ZFC3H1: variants seen among roughly 807,000 people sequenced by gnomAD.
ZFC3H1 encodes the protein zinc finger C3H1 domain-containing protein.
ZFC3H1 carries 71 observed loss-of-function variants against 243.7 expected under a neutral mutation model. The ratio of observed to expected loss-of-function variants is 0.29; its 90% CI spans 0.24 to 0.36. The LOEUF (loss-of-function observed/expected upper bound fraction) is 0.36, where lower values mean the gene tolerates loss of function less well. Among genes scored for constraint, ZFC3H1 ranks in the 10% least tolerant of loss-of-function variants. The pLI, the probability that ZFC3H1 is intolerant of heterozygous loss-of-function variation, is 1.00. For synonymous variants in ZFC3H1, 838 were observed against 813.0 expected, an observed-to-expected ratio of 1.03 and a Z score of -0.52; for missense variants, 1,966 against 2,317.1, an observed-to-expected ratio of 0.85 and a Z score of 3.11.
Position 71,657,173 on chromosome 12 carries a change from T to C in ZFC3H1, c.727A>G (p.Asn243Asp), listed in dbSNP as rs768781356. The change falls in exon 2 of 35, where the codon AAT (asparagine) becomes GAT (aspartate). Residue 243 changes from asparagine to aspartate, a missense_variant. Physicochemically the swap from Asn to Asp is conservative, Grantham distance 23. This residue lies in a region of ZFC3H1 where 484 missense variants were observed against 449.7 expected (regional missense o/e 1.08). Coordinates refer to ENST00000378743, the MANE Select transcript of ZFC3H1 (RefSeq NM_144982.5). ...KQIQLELECINKDEKLALSSK... is the reference protein window; with the variant it reads ...KQIQLELECIDKDEKLALSSK... ...CTCAATGCTAGTTTTTCATCCTTAT[T>C]GATGCATTCTAGTTCCAACTGTATT... is the stretch of plus-strand genomic sequence containing the variant. The C allele has an allele frequency of 6.2e-7, 1 of 1,613,926 alleles. No individual in the cohort carries two copies. The highest frequency in any genetic ancestry group is 2.2e-5 in the East Asian group (1 of 44,820).
chr12:71,645,128 C>G, intron 3 of ZFC3H1, 53 bp from the exon 4 acceptor site: 1 of 1,459,290 alleles, frequency 6.9e-7, no homozygotes, highest in South Asian at 1.4e-5. Flanking sequence ...ATTTAGCTTA[C>G]ACATTTCATC....
At chr12:71,630,507 GT>G in intron 18 of ZFC3H1, 92 bp downstream of exon 18, 1 of 1,444,418 alleles carries the variant, frequency 6.9e-7, no homozygotes, top group Non-Finnish European at 9.3e-7. Context: ...CTGAATTATA[GT>G]AAGTATTTTA....
At chr12:71,637,573 G>T (rs1355652029) in intron 7 of ZFC3H1, among the ~76,000 whole-genome samples, 1 of 152,108 alleles carries the variant, frequency 6.6e-6, no homozygotes, top group African/African-American at 2.4e-5. Context: ...TATCTATAAA[G>T]GAAACTAATT....
At chr12:71,624,683 A>G (rs1038331424) in intron 22 of ZFC3H1, among the ~76,000 whole-genome samples, 2 of 152,342 alleles carry the variant, frequency 1.3e-5, no homozygotes, top group Middle Eastern at 3.4e-3. Flanking sequence ...ATAGATTTGT[A>G]TTAGAAATGT....
At position 71,637,004 on chromosome 12, in the gene ZFC3H1, G is replaced by C. The variant is rs1406603485; in HGVS notation, c.1781C>G (p.Pro594Arg). 2.5e-6 allele frequency: 4 copies of C among 1,613,902 alleles called. No individual in the cohort carries two copies. The South Asian group carries it at 4.4e-5, about 18-fold the overall frequency. The change falls in exon 8 of 35, where the codon CCT becomes CGT. Residue 594 changes from proline (P) to arginine (R), a missense_variant. Around this residue, in one of 4 missense-constraint regions of ZFC3H1, gnomAD observed 1,383 missense variants for 1,723.7 expected, o/e 0.80. Coordinates refer to ENST00000378743, the MANE Select transcript of ZFC3H1 (RefSeq NM_144982.5). Reference sequence around the variant, plus strand: ...TGGTAATGGTGGTAGAGGAGGTAGAGGTTCAAGAGAAACACACAAGCCTTC... The same window carrying C: ...TGGTAATGGTGGTAGAGGAGGTAGACGTTCAAGAGAAACACACAAGCCTTC... ...YVEGLCVSLE[P>R]LPPLPPLPPL...
intron 26 of ZFC3H1, 72 bp downstream of exon 26, chr12:71,619,854 C>T (rs1032679822): frequency 2.1e-6 from 3 of 1,398,974 alleles, no homozygotes; most frequent in Admixed American, 2.1e-5. Flanking sequence ...CCAGGAAACA[C>T]TTCCTGGTGA....
chr12:71,644,588 G>C (rs1340739809), intron 4 of ZFC3H1, among the ~76,000 whole-genome samples: 1 of 151,906 alleles, frequency 6.6e-6, no homozygotes, highest in Admixed American at 6.6e-5. Context: ...AGGCTGAGGC[G>C]AGTGGATCAC....
At chr12:71,637,132 A>G (rs771450884) in intron 7 of ZFC3H1, 73 bp from the exon 8 acceptor site, 21 of 1,240,198 alleles carry the variant, frequency 1.7e-5, no homozygotes, top group Non-Finnish European at 1.8e-5. Flanking sequence ...CAGCAATATT[A>G]AACTAGAAAA....
chr12:71,629,816 G>A, intron 18 of ZFC3H1, 106 bp from the exon 19 acceptor site: 1 of 692,022 alleles, frequency 1.4e-6, no homozygotes, highest in Non-Finnish European at 2.5e-6. Context: ...CGATTATATG[G>A]TACTAGTCAA....
At chr12:71,625,762 T>C (rs1239998022) in intron 22 of ZFC3H1, among the ~76,000 whole-genome samples, 2 of 152,164 alleles carry the variant, frequency 1.3e-5, no homozygotes, top group Non-Finnish European at 2.9e-5. Context: ...CTCAATCAAA[T>C]GTTTTTAGCT....
chr12:71,662,600 C>G (rs1881213185), intron 1 of ZFC3H1, among the ~76,000 whole-genome samples: 1 of 148,632 alleles, frequency 6.7e-6, no homozygotes, highest in Non-Finnish European at 1.5e-5. Context: ...CAATTTTCAA[C>G]GTCAAACTGC....
At chr12:71,662,836 G>A (rs1056698118) in intron 1 of ZFC3H1, 177 bp downstream of exon 1, 2 of 723,420 alleles carry the variant, frequency 2.8e-6, no homozygotes, top group African/African-American at 1.8e-5. Context: ...GCAGTCTTAA[G>A]AATAACGCTA....
intron 6 of ZFC3H1, among the ~76,000 whole-genome samples, chr12:71,640,055 C>T (rs1880562804): frequency 6.6e-6 from 1 of 152,138 alleles, no homozygotes; most frequent in Non-Finnish European, 1.5e-5. Context: ...CAGAGTGTCG[C>T]TCAGTGCCCA....
At chr12:71,658,436 G>A (rs139699602) in intron 1 of ZFC3H1, among the ~76,000 whole-genome samples, 1 of 151,538 alleles carries the variant, frequency 6.6e-6, no homozygotes, top group Non-Finnish European at 1.5e-5. Context: ...TTACAGGTGC[G>A]TGCCACCATG....
Position 71,627,785 on chromosome 12 carries a change from T to G in ZFC3H1, c.4096A>C (p.Lys1366Gln), listed in dbSNP as rs755376988. 2 of 1,613,272 alleles carry G rather than the reference T, an allele frequency of 1.2e-6. No homozygotes were observed. The highest frequency in any genetic ancestry group is 1.7e-6 in the Non-Finnish European group (2 of 1,179,734). ...ENPSHVQLWL[K>Q]LAYKYLNQNE... is the part of the protein sequence containing the mutation. ...TGATTCAAGTACTTGTACGCAAGCTTGAGCCAAAGTTGTACATGAGAAGGA... is the reference window on the plus strand; with the variant it reads ...TGATTCAAGTACTTGTACGCAAGCTGGAGCCAAAGTTGTACATGAGAAGGA... Residue 1366 changes from lysine (K) to glutamine (Q), a missense_variant, in exon 21 of 35, where the codon AAG (lysine) becomes CAG (glutamine). By Grantham distance (53) the Lys-to-Gln change is moderately conservative. Around this residue, in one of 4 missense-constraint regions of ZFC3H1, gnomAD observed 1,383 missense variants for 1,723.7 expected, o/e 0.80. Transcript: ENST00000378743.
chr12:71,635,733 GTTA>G (rs1880442168), intron 9 of ZFC3H1, among the ~76,000 whole-genome samples, 153 bp from the exon 10 acceptor site: 1 of 152,020 alleles, frequency 6.6e-6, no homozygotes, highest in Non-Finnish European at 1.5e-5. Context: ...ACCAATACTG[GTTA>G]TATGACTGAG....
intron 11 of ZFC3H1, among the ~76,000 whole-genome samples, 175 bp from the exon 12 acceptor site, chr12:71,634,479 T>C (rs17110052): frequency 0.033 from 4,956 of 152,268 alleles, 281 homozygotes; most frequent in African/African-American, 0.11. Context: ...GTCCTTCTCT[T>C]TGAGTGTTTT....
chr12:71,647,467 TATCTGG>T (rs928582669), intron 3 of ZFC3H1, among the ~76,000 whole-genome samples: 3 of 151,896 alleles, frequency 2.0e-5, no homozygotes, highest in African/African-American at 7.3e-5. Context: ...ATGGAGAAAA[TATCTGG>T]ATCAAAATTA....
chr12:71,651,774 G>C (rs138718708), intron 2 of ZFC3H1, among the ~76,000 whole-genome samples: 1 of 152,246 alleles, frequency 6.6e-6, no homozygotes. Flanking sequence ...TTCCATTTTT[G>C]GATGGAAAAG....
Sources: gnomAD v4.1 joint callset for allele counts (sites outside exome capture counted in the v4.1 genomes callset) on GRCh38, gnomAD v4.1.1 for gene constraint, gnomAD v4.1.1 regional missense constraint, MANE v1.5 for transcripts, NCBI Gene and HGNC (gene_info 2026-07-23, HGNC 2026-07-21) for gene names.